The following PAMR1 variants were observed in gnomAD, a reference collection of about 807,000 sequenced individuals.
The protein encoded by PAMR1 is peptidase domain containing associated with muscle regeneration 1.
PAMR1 carries 88 observed loss-of-function variants against 81.8 expected under a neutral mutation model. The observed-to-expected ratio is 1.08, with a 90% confidence interval of 0.91 to 1.28. The LOEUF is 1.28. Among genes scored for constraint, PAMR1 ranks in the 50% most tolerant of loss-of-function variants. The pLI, the probability that PAMR1 is intolerant of heterozygous loss-of-function variation, is 0.00. For synonymous variants in PAMR1, 336 were observed against 345.3 expected, an observed-to-expected ratio of 0.97 and a Z score of 0.30; for missense variants, 935 against 919.7, an observed-to-expected ratio of 1.02 and a Z score of -0.21.
chr11:35,434,865 T>A, intron 9 of PAMR1, 61 bp from the exon 10 acceptor site: 1 of 1,524,612 alleles, frequency 6.6e-7, no homozygotes. Flanking sequence ...AAGGAGAATG[T>A]GTCACTTAAC....
intron 1 of PAMR1, among the ~76,000 whole-genome samples, chr11:35,518,455 T>G (rs1018990127): frequency 2.0e-5 from 3 of 151,766 alleles, no homozygotes; most frequent in African/African-American, 7.3e-5. Flanking sequence ...TGGTGAGATA[T>G]TCTTCCACGT....
intron 10 of PAMR1, among the ~76,000 whole-genome samples, chr11:35,433,821 G>GGGATGGATGGATGGATGGATGGAT (rs377245331): frequency 1.5e-4 from 23 of 149,410 alleles, no homozygotes; most frequent in African/African-American, 5.8e-4. Flanking sequence ...GAGGGATGGA[G>GGGATGGATGGATGGATGGATGGAT]GGATGGATGG....
intron 1 of PAMR1, among the ~76,000 whole-genome samples, chr11:35,513,065 A>G (rs1260148941): frequency 6.6e-6 from 1 of 152,246 alleles, no homozygotes; most frequent in African/African-American, 2.4e-5. Context: ...TTTAAGATCA[A>G]CAATCATGCT....
chr11:35,472,361 G>A (rs1850203414), intron 4 of PAMR1, among the ~76,000 whole-genome samples: 1 of 152,182 alleles, frequency 6.6e-6, no homozygotes, highest in South Asian at 2.1e-4. Context: ...TTCACTTACT[G>A]AACACATATT....
chr11:35,464,962 T>C (rs754961584), intron 6 of PAMR1, among the ~76,000 whole-genome samples: 1 of 152,336 alleles, frequency 6.6e-6, no homozygotes, highest in African/African-American at 2.4e-5. Context: ...TTAACTGGGA[T>C]GGGAAGTCCT....
At chr11:35,477,819 C>T (rs114883419) in intron 3 of PAMR1, among the ~76,000 whole-genome samples, 371 of 152,234 alleles carry the variant, frequency 2.4e-3, no homozygotes, top group African/African-American at 8.8e-3. Flanking sequence ...TTTGAAACGG[C>T]AGAATTTTTC....
chr11:35,436,949 A>G (rs1196679107), intron 8 of PAMR1, among the ~76,000 whole-genome samples: 6 of 152,190 alleles, frequency 3.9e-5, no homozygotes, highest in Non-Finnish European at 7.3e-5. Flanking sequence ...TAATGGGGCA[A>G]TATTAGGAAT....
intron 3 of PAMR1, among the ~76,000 whole-genome samples, chr11:35,487,740 G>C (rs763193237): frequency 1.3e-5 from 2 of 152,196 alleles, no homozygotes; most frequent in African/African-American, 4.8e-5. Flanking sequence ...CCAGCAGGAG[G>C]CAGACTAGGA....
chr11:35,455,565 C>T (rs988554022), intron 6 of PAMR1, among the ~76,000 whole-genome samples: 1 of 152,146 alleles, frequency 6.6e-6, no homozygotes, highest in Non-Finnish European at 1.5e-5. Context: ...GCTTAAGTCT[C>T]CAAGCCATAA....
chr11:35,441,481 C>T lies in PAMR1; in HGVS notation c.1033G>A (p.Ala345Thr). 1.9e-6 allele frequency: 3 copies of T among 1,608,180 alleles called. No homozygotes were observed. Among genetic ancestry groups the T allele is most frequent in the Non-Finnish European group, 2.6e-6 (3 of 1,176,228 alleles). The change falls in exon 7 of 11, where the codon GCC (alanine) becomes ACC (threonine). Residue 345 changes from alanine to threonine, a missense_variant and splice_region_variant. Transcript: ENST00000619888. The part of the protein sequence containing the change: ...WSGKQPICIK[A>T]CREPKISDLV... ...GACTTCAGAAACAATTGTAAGTTAC[C>T]TTTTATGCAGATGGGCTGTTTCCCT... is the stretch of plus-strand genomic sequence containing the variant.
chr11:35,477,913 T>C (rs1033004500), intron 3 of PAMR1, among the ~76,000 whole-genome samples: 3 of 152,116 alleles, frequency 2.0e-5, no homozygotes, highest in Non-Finnish European at 4.4e-5. Flanking sequence ...ACACTCCTCA[T>C]CGCCCCCATC....
chr11:35,451,382 C>T (rs1463708157), intron 6 of PAMR1, among the ~76,000 whole-genome samples: 1 of 152,184 alleles, frequency 6.6e-6, no homozygotes, highest in African/African-American at 2.4e-5. Context: ...AACACCTCTG[C>T]CCAAGGAATA....
intron 6 of PAMR1, among the ~76,000 whole-genome samples, chr11:35,457,665 T>G (rs1289192422): frequency 6.6e-6 from 1 of 152,110 alleles, no homozygotes; most frequent in Non-Finnish European, 1.5e-5. Flanking sequence ...AGGCTTTGAG[T>G]GCAAGTAGTT....
intron 8 of PAMR1, 136 bp from the exon 9 acceptor site, chr11:35,436,271 ATCTC>A: frequency 3.2e-6 from 2 of 628,508 alleles, no homozygotes; most frequent in Non-Finnish European, 5.7e-6. Flanking sequence ...GTCTCTCTCT[ATCTC>A]TCTCTCTGTC....
intron 1 of PAMR1, among the ~76,000 whole-genome samples, chr11:35,522,154 C>A (rs1449603164): frequency 6.6e-6 from 1 of 152,140 alleles, no homozygotes; most frequent in East Asian, 1.9e-4. Context: ...GATCTCCTGA[C>A]CTCGTGATCT....
intron 9 of PAMR1, 101 bp from the exon 10 acceptor site, chr11:35,434,905 G>C (rs675227): frequency 0.47 from 525,362 of 1,128,890 alleles, 125,271 homozygotes; most frequent in African/African-American, 0.62. Context: ...AAGGTGAACT[G>C]TATGGGCATG....
rs759516218 is a variant in PAMR1, at chr11:35,511,995, CA to C, written c.73+13517del. The stretch of plus-strand genomic sequence containing the variant: ...CCCTCAGTCTAGCCTGGCTGGATCT[CA>C]ACCTCGGTGACCTCAGTCTTCTCCT... On this transcript the variant is annotated intron_variant, in intron 1 of 10. Coordinates refer to ENST00000619888, the MANE Select transcript of PAMR1 (RefSeq NM_001001991.3). Among the ~76,000 whole-genome samples, 5 of 152,320 alleles carry C rather than the reference CA, an allele frequency of 3.3e-5. No individual in the cohort carries two copies. The East Asian group carries it at 9.6e-4, about 29-fold the overall frequency.
At chr11:35,503,221 G>C (rs1289083976) in intron 1 of PAMR1, among the ~76,000 whole-genome samples, 1 of 151,582 alleles carries the variant, frequency 6.6e-6, no homozygotes, top group Non-Finnish European at 1.5e-5. Context: ...GTAAGTACCA[G>C]GCTGGTTTGG....
At chr11:35,453,938 C>T (rs1247709373) in intron 6 of PAMR1, among the ~76,000 whole-genome samples, 1 of 152,112 alleles carries the variant, frequency 6.6e-6, no homozygotes, top group Non-Finnish European at 1.5e-5. Context: ...GTTTAGCATG[C>T]CCTTACATGC....
Sources: gnomAD v4.1 joint callset for allele counts (sites outside exome capture counted in the v4.1 genomes callset) on GRCh38, gnomAD v4.1.1 for gene constraint, MANE v1.5 for transcripts, NCBI Gene and HGNC (gene_info 2026-07-23, HGNC 2026-07-21) for gene names.